The following P2RY8 variants were observed in gnomAD, a reference collection of about 807,000 sequenced individuals.
P2RY8 encodes S-geranylgeranyl-glutathione receptor P2RY8.
Under a neutral mutation model 10.0 loss-of-function variants are expected in P2RY8, and 6 were observed. The ratio of observed to expected loss-of-function variants is 0.60; its 90% CI spans 0.33 to 1.19. The LOEUF (loss-of-function observed/expected upper bound fraction) is 1.19. Among genes scored for constraint, P2RY8 ranks in the 50% most tolerant of loss-of-function variants. P2RY8 has a pLI of 0.04. For synonymous variants in P2RY8, 276 were observed against 252.5 expected, an observed-to-expected ratio of 1.09 and a Z score of -0.88; for missense variants, 456 against 542.0, an observed-to-expected ratio of 0.84 and a Z score of 1.58.
chrX:1,470,899 C>A (rs1275151295), intron 1 of P2RY8, among the ~76,000 whole-genome samples: 2 of 141,204 alleles, frequency 1.4e-5, no homozygotes, highest in Non-Finnish European at 3.0e-5. Flanking sequence ...TGTAGTGGTG[C>A]GATCTTGGCT....
chrX:1,528,808 G>A lies in P2RY8; in HGVS notation c.-25+8113C>T, dbSNP rs567550490. Reference sequence around the variant, plus strand: ...TATGGATTTGAGTCTCTTTGATTGCGTGTGGGTTTGAGTCTCTTTGAATGA... The same window carrying A: ...TATGGATTTGAGTCTCTTTGATTGCATGTGGGTTTGAGTCTCTTTGAATGA... On this transcript the variant is annotated intron_variant, in intron 1 of 1. Transcript: ENST00000381297. 5.9e-5 allele frequency among the ~76,000 whole-genome samples: 9 copies of A among 152,172 alleles called. No homozygotes were observed. The South Asian group carries it at 6.2e-4, about 11-fold the overall frequency.
At chrX:1,481,742 C>T (rs1357533349) in intron 1 of P2RY8, among the ~76,000 whole-genome samples, 1 of 152,136 alleles carries the variant, frequency 6.6e-6, no homozygotes, top group Non-Finnish European at 1.5e-5. Context: ...TGCCTCTGAA[C>T]GAACTCTGTG....
intron 1 of P2RY8, among the ~76,000 whole-genome samples, chrX:1,527,814 A>G (rs1192386348): frequency 6.6e-6 from 1 of 152,168 alleles, no homozygotes; most frequent in African/African-American, 2.4e-5. Flanking sequence ...TCATTCACTC[A>G]TTCATTCATT....
rs769499532 is a variant in P2RY8, at chrX:1,465,761, G to A, written c.798C>T (p.Phe266=). The A allele has an allele frequency of 6.2e-7, 1 of 1,613,504 alleles. No homozygotes were observed. The highest frequency in any genetic ancestry group is 1.3e-5 in the African/African-American group (1 of 74,936). ...ACACGTGGTAGTAGCTCTTGCCGTA[G>A]AACAGGCGGCTCACGATGTGCGCCA... ...VLLAHIVSRL[F]YGKSYYHVYK... is the part of the protein sequence containing the mutation. Residue 266 remains phenylalanine, a synonymous_variant, in exon 2 of 2, where the codon TTC becomes TTT. Transcript: ENST00000381297.
rs755217292 is a variant in P2RY8, at chrX:1,465,541, G to A, written c.1018C>T (p.His340Tyr). 1.2e-6 allele frequency: 2 copies of A among 1,612,080 alleles called. No homozygotes were observed. The highest frequency in any genetic ancestry group is 2.2e-5 in the East Asian group (1 of 44,868). ...GTGGCTCCCTCCATCCCTTCAGGGT[G>A]CGCACCGGCCTCGGAGCGCACGGAC... The part of the protein sequence containing the change: ...TTSVRSEAGA[H>Y]PEGMEGATRP... Residue 340 changes from histidine to tyrosine, a missense_variant, in exon 2 of 2, where the codon CAC becomes TAC. Transcript: ENST00000381297.
chrX:1,499,167 T>TG (rs1569537640), intron 1 of P2RY8, among the ~76,000 whole-genome samples: 2 of 143,694 alleles, frequency 1.4e-5, no homozygotes, highest in African/African-American at 2.7e-5. Context: ...TCTTTTCTTT[T>TG]TTTTTTTTTT....
intron 1 of P2RY8, among the ~76,000 whole-genome samples, chrX:1,495,356 T>C (rs2092105532): frequency 6.6e-6 from 1 of 151,990 alleles, no homozygotes; most frequent in Non-Finnish European, 1.5e-5. Flanking sequence ...CTTTAAAGAG[T>C]TAACTACAGT....
At chrX:1,536,048 A>C (rs1181555982) in intron 1 of P2RY8, among the ~76,000 whole-genome samples, 8 of 152,058 alleles carry the variant, frequency 5.3e-5, no homozygotes, top group Admixed American at 1.3e-4. Flanking sequence ...TAGGGCTTTA[A>C]AACCCGTTTA....
intron 1 of P2RY8, among the ~76,000 whole-genome samples, chrX:1,522,513 C>G (rs1286081659): frequency 6.6e-6 from 1 of 152,202 alleles, no homozygotes; most frequent in Non-Finnish European, 1.5e-5. Context: ...GTACACTGGC[C>G]AGGCACGTTG....
At chrX:1,489,227 A>G (rs1432355738) in intron 1 of P2RY8, among the ~76,000 whole-genome samples, 1 of 150,634 alleles carries the variant, frequency 6.6e-6, no homozygotes, top group African/African-American at 2.5e-5. Flanking sequence ...AATAAATGAT[A>G]CCCAGAGATT....
intron 1 of P2RY8, among the ~76,000 whole-genome samples, chrX:1,533,243 G>C (rs1488669530): frequency 1.3e-5 from 2 of 150,094 alleles, no homozygotes; most frequent in Admixed American, 1.3e-4. Context: ...GAAGTAAAAA[G>C]TGTAAAACAA....
intron 1 of P2RY8, among the ~76,000 whole-genome samples, chrX:1,511,309 A>G (rs1441396410): frequency 1.3e-5 from 2 of 152,256 alleles, no homozygotes; most frequent in African/African-American, 4.8e-5. Context: ...TTTGTCCTGT[A>G]TCCACGTGTC....
intron 1 of P2RY8, among the ~76,000 whole-genome samples, chrX:1,529,518 G>C (rs1237881154): frequency 6.6e-6 from 1 of 152,032 alleles, no homozygotes; most frequent in Non-Finnish European, 1.5e-5. Flanking sequence ...CTCCTGGGGC[G>C]TGGTGGGTGG....
intron 1 of P2RY8, among the ~76,000 whole-genome samples, chrX:1,468,714 G>A (rs1224558627): frequency 2.0e-5 from 3 of 149,042 alleles, no homozygotes; most frequent in Non-Finnish European, 4.5e-5. Context: ...AGGGGCTGTA[G>A]GTGGGACCCT....
intron 1 of P2RY8, among the ~76,000 whole-genome samples, chrX:1,493,219 C>T (rs764620977): frequency 1.2e-3 from 185 of 148,956 alleles, no homozygotes; most frequent in Middle Eastern, 3.4e-3. Context: ...ACCCGGGAGG[C>T]GGAGGTTGCA....
chrX:1,496,616 C>T (rs1440251403), intron 1 of P2RY8, among the ~76,000 whole-genome samples: 5 of 151,880 alleles, frequency 3.3e-5, no homozygotes, highest in Non-Finnish European at 1.5e-5. Flanking sequence ...CAGTCAGCCG[C>T]GGCTTCAGAC....
intron 1 of P2RY8, among the ~76,000 whole-genome samples, chrX:1,498,337 C>G (rs375525913): frequency 7.3e-6 from 1 of 137,694 alleles, no homozygotes; most frequent in Non-Finnish European, 1.5e-5. Flanking sequence ...ACCTGGGAGG[C>G]GGAGCTTGCA....
chrX:1,509,099 G>GCATC (rs1556682551), intron 1 of P2RY8, among the ~76,000 whole-genome samples: 1 of 138,308 alleles, frequency 7.2e-6, no homozygotes, highest in Non-Finnish European at 1.6e-5. Flanking sequence ...ATGTATCTAT[G>GCATC]TATCTATCTA....
intron 1 of P2RY8, among the ~76,000 whole-genome samples, chrX:1,534,124 A>G (rs866030232): frequency 2.3e-5 from 3 of 129,474 alleles, no homozygotes; most frequent in South Asian, 2.2e-4. Context: ...TACATATATT[A>G]TATATTTATA....
Sources: gnomAD v4.1 joint callset for allele counts (sites outside exome capture counted in the v4.1 genomes callset) on GRCh38, gnomAD v4.1.1 for gene constraint, MANE v1.5 for transcripts, NCBI Gene and HGNC (gene_info 2026-07-23, HGNC 2026-07-21) for gene names.